Variants in EIF2S1 observed in about 807,000 individuals in gnomAD.
EIF2S1 encodes eukaryotic translation initiation factor 2 subunit alpha, also known as eukaryotic translation initiation factor 2 subunit 1.
A neutral mutation model predicts 33.5 loss-of-function variants in EIF2S1; 5 were observed. The observed-to-expected ratio is 0.15, with a 90% confidence interval of 0.08 to 0.31. The LOEUF (loss-of-function observed/expected upper bound fraction) is 0.31. Ranked by LOEUF, EIF2S1 falls within the 10% of genes least tolerant of loss-of-function variation. The pLI, the probability that EIF2S1 is intolerant of heterozygous loss-of-function variation, is 1.00. For missense variants in EIF2S1, 191 were observed against 384.6 expected, an observed-to-expected ratio of 0.50 and a Z score of 4.21; for synonymous variants, 99 against 127.5, an observed-to-expected ratio of 0.78 and a Z score of 1.51.
chr14:67,376,803 C>G (rs1051547252), intron 4 of EIF2S1, among the ~76,000 whole-genome samples: 1 of 152,184 alleles, frequency 6.6e-6, no homozygotes. Context: ...TTATCTCACA[C>G]ATTTTCCTTT....
chr14:67,385,439 CAAA>C lies in EIF2S1; in HGVS notation c.*2014_*2016del, dbSNP rs60823341. The C allele has an allele frequency of 0.27, 26,815 of 98,632 alleles. 3,895 individuals carry two copies. Among genetic ancestry groups the C allele is most frequent in the East Asian group, 0.49 (2,052 of 4,170 alleles). 6.1% of individuals were successfully genotyped at this position (98,632 alleles called of 1,614,324 possible). ...TGGGTGACAGGGCAAGACCCTGTCT[CAAA>C]AAAAAAAAAAAAAACCAAAAATCTT... On this transcript the variant is annotated 3_prime_UTR_variant, in exon 8 of 8. Transcript: ENST00000256383.
intron 1 of EIF2S1, among the ~76,000 whole-genome samples, chr14:67,362,979 C>T (rs1219663368): frequency 6.6e-6 from 1 of 152,174 alleles, no homozygotes; most frequent in Non-Finnish European, 1.5e-5. Flanking sequence ...GATTCTCTTA[C>T]ATGATTGCCC....
At chr14:67,369,817 AGAAAG>A (rs372744928) in intron 2 of EIF2S1, among the ~76,000 whole-genome samples, 2,213 of 152,332 alleles carry the variant, frequency 0.015, 21 homozygotes, top group Non-Finnish European at 0.023. Context: ...AGAAGATAAA[AGAAAG>A]GAAAGGTAAA....
At chr14:67,367,974 C>G (rs765407474) in intron 2 of EIF2S1, among the ~76,000 whole-genome samples, 100 of 152,248 alleles carry the variant, frequency 6.6e-4, no homozygotes, top group Non-Finnish European at 1.2e-3. Flanking sequence ...AACTATTTGT[C>G]TCATTTGTGC....
At position 67,383,473 on chromosome 14, in the gene EIF2S1, A is replaced by G. The variant is rs1454210150; in HGVS notation, c.*33A>G. The G allele has an allele frequency of 1.2e-6, 2 of 1,609,726 alleles. No individual in the cohort carries two copies. Among genetic ancestry groups the G allele is most frequent in the East Asian group, 2.2e-5 (1 of 44,718 alleles). ...GGAAACAGAGTCCAATTTAAGGAACACAGAGCAGCGCTTCCTGGCTGTAAA... is the reference window on the plus strand; with the variant it reads ...GGAAACAGAGTCCAATTTAAGGAACGCAGAGCAGCGCTTCCTGGCTGTAAA... On this transcript the variant is annotated 3_prime_UTR_variant, in exon 8 of 8. Coordinates refer to ENST00000256383, the MANE Select transcript of EIF2S1 (RefSeq NM_004094.5).
chr14:67,374,187 T>C (rs1441911977), intron 2 of EIF2S1, among the ~76,000 whole-genome samples: 1 of 152,198 alleles, frequency 6.6e-6, no homozygotes, highest in African/African-American at 2.4e-5. Context: ...GAAATGTTCA[T>C]TGGAGCATTT....
chr14:67,368,268 C>T (rs1365388897), intron 2 of EIF2S1, among the ~76,000 whole-genome samples: 1 of 152,148 alleles, frequency 6.6e-6, no homozygotes, highest in Non-Finnish European at 1.5e-5. Context: ...ATAAAGACTG[C>T]CCTGCTTGTC....
In EIF2S1 at chr14:67,360,381, G is replaced by C. The variant is rs74058410; in HGVS notation, c.-77G>C. 5 of 396,438 alleles carry C rather than the reference G, an allele frequency of 1.3e-5. No homozygotes were observed. The highest frequency in any genetic ancestry group is 8.8e-5 in the Admixed American group (2 of 22,652). The allele number at this position is 396,438 out of a possible 1,614,324, so 24.6% of individuals were successfully genotyped here. A position where few individuals can be genotyped will look rare whatever the true frequency, so the allele number is the denominator to read the frequency against. On this transcript the variant is annotated 5_prime_UTR_variant, in exon 1 of 8. Transcript: ENST00000256383. ...CTGAGGAGGATCGGCGGCCGGTGAG[G>C]GGGAAGCAAGTCTGGTCTCTGTGAT...
rs33969193 is a variant in EIF2S1 at position 67,385,651 on chromosome 14, C to CTT, written c.*2216_*2217dup. On this transcript the variant is annotated 3_prime_UTR_variant, in exon 8 of 8. Transcript: ENST00000256383. ...GGAAGAAATATGAATATTCAAACCA[C>CTT]TTTTTTCTTTTTTTTTTTTTTTTTT... is the stretch of plus-strand genomic sequence containing the variant. The CTT allele has an allele frequency of 5.0e-5, 7 of 140,982 alleles. No homozygotes were observed. The highest frequency in any genetic ancestry group is 1.9e-4 in the African/African-American group (7 of 37,134). 8.7% of individuals were successfully genotyped at this position (140,982 alleles called of 1,614,324 possible).
chr14:67,380,442 TAGTC>T (rs1309255697), intron 4 of EIF2S1, among the ~76,000 whole-genome samples: 1 of 152,246 alleles, frequency 6.6e-6, no homozygotes, highest in Non-Finnish European at 1.5e-5. Context: ...TTGCTTGTTT[TAGTC>T]AGATCACTAA....
chr14:67,373,625 G>A (rs2085838938), intron 2 of EIF2S1, among the ~76,000 whole-genome samples: 1 of 152,180 alleles, frequency 6.6e-6, no homozygotes, highest in Non-Finnish European at 1.5e-5. Flanking sequence ...CAGGTTTGTA[G>A]GTTTCAGCCA....
intron 4 of EIF2S1, among the ~76,000 whole-genome samples, chr14:67,380,116 CTT>C (rs1434670225): frequency 6.6e-6 from 1 of 152,136 alleles, no homozygotes; most frequent in Non-Finnish European, 1.5e-5. Context: ...TGCTACTCCT[CTT>C]TTAGTCTTTA....
chr14:67,370,374 G>A (rs973635444), intron 2 of EIF2S1, among the ~76,000 whole-genome samples: 8 of 152,132 alleles, frequency 5.3e-5, no homozygotes, highest in African/African-American at 1.2e-4. Flanking sequence ...TAAGATAATC[G>A]GTGAAAATAG....
chr14:67,381,762 C>CA, intron 6 of EIF2S1, 72 bp downstream of exon 6: 1 of 825,788 alleles, frequency 1.2e-6, no homozygotes. Context: ...ATCTTTGTTT[C>CA]TTTTTTTTTT....
intron 3 of EIF2S1, among the ~76,000 whole-genome samples, chr14:67,376,098 C>T (rs2085856608): frequency 6.6e-6 from 1 of 152,106 alleles, no homozygotes; most frequent in Non-Finnish European, 1.5e-5. Flanking sequence ...ATAATAACAA[C>T]TTGTATTTGT....
At chr14:67,362,922 G>C (rs2085752363) in intron 1 of EIF2S1, among the ~76,000 whole-genome samples, 1 of 152,092 alleles carries the variant, frequency 6.6e-6, no homozygotes, top group South Asian at 2.1e-4. Context: ...GTTGCAAAGA[G>C]ACTTGTGCCT....
At chr14:67,370,952 C>T (rs2085816548) in intron 2 of EIF2S1, among the ~76,000 whole-genome samples, 1 of 151,988 alleles carries the variant, frequency 6.6e-6, no homozygotes, top group African/African-American at 2.4e-5. Context: ...TTGCTTGAGG[C>T]CAGGAGAACA....
At chr14:67,370,870 G>A (rs2085816184) in intron 2 of EIF2S1, among the ~76,000 whole-genome samples, 1 of 151,824 alleles carries the variant, frequency 6.6e-6, no homozygotes, top group South Asian at 2.1e-4. Flanking sequence ...ACAGAAAGTA[G>A]AAAAATTACC....
At chr14:67,375,003 G>A (rs763636318) in intron 3 of EIF2S1, among the ~76,000 whole-genome samples, 1 of 152,174 alleles carries the variant, frequency 6.6e-6, no homozygotes, top group Admixed American at 6.5e-5. Context: ...TAAAATGTCT[G>A]TGAATCCAGG....
Sources: gnomAD v4.1 joint callset for allele counts (sites outside exome capture counted in the v4.1 genomes callset) on GRCh38, gnomAD v4.1.1 for gene constraint, MANE v1.5 for transcripts, NCBI Gene and HGNC (gene_info 2026-07-23, HGNC 2026-07-21) for gene names.